OLFM2: variants seen among roughly 807,000 people sequenced by gnomAD.
OLFM2 encodes noelin-2.
OLFM2 carries 20 observed loss-of-function variants against 43.9 expected under a neutral mutation model. That is an observed-to-expected ratio of 0.46 (90% CI 0.32 to 0.66). The LOEUF (loss-of-function observed/expected upper bound fraction) is 0.66, where lower values mean the gene tolerates loss of function less well. Ranked by LOEUF, OLFM2 falls within the 30% of genes least tolerant of loss-of-function variation. The pLI is 0.04. For synonymous variants in OLFM2, 268 were observed against 278.6 expected (o/e 0.96, Z 0.38); for missense variants, 416 against 643.6 (o/e 0.65, Z 3.83).
chr19:9,906,438 CCT>C (rs943678566), intron 1 of OLFM2, among the ~76,000 whole-genome samples: 14 of 152,142 alleles, frequency 9.2e-5, no homozygotes, highest in African/African-American at 9.6e-5. Flanking sequence ...GTCTCTGGCC[CCT>C]GAGTATCGCA....
At chr19:9,907,658 A>G (rs180895206) in intron 1 of OLFM2, among the ~76,000 whole-genome samples, 1 of 152,224 alleles carries the variant, frequency 6.6e-6, no homozygotes, top group Admixed American at 6.5e-5. Context: ...TCCCAGAGGT[A>G]GAGACAGACA....
At chr19:9,911,498 C>G (rs1320271888) in intron 1 of OLFM2, among the ~76,000 whole-genome samples, 1 of 152,058 alleles carries the variant, frequency 6.6e-6, no homozygotes, top group African/African-American at 2.4e-5. Context: ...CACATACACA[C>G]TTACAGAAAA....
At chr19:9,863,950 C>T (rs2046382329) in intron 1 of OLFM2, among the ~76,000 whole-genome samples, 2 of 152,276 alleles carry the variant, frequency 1.3e-5, no homozygotes, top group African/African-American at 4.8e-5. Flanking sequence ...ATCCTCAGCC[C>T]TGGCAGCGGA....
rs569276278 is a variant in OLFM2 at position 9,918,455 on chromosome 19, A to G, written c.63+17849T>C. Among the ~76,000 whole-genome samples the G allele has an allele frequency of 5.5e-3, 838 of 152,130 alleles. 9 individuals carry two copies. The highest frequency in any genetic ancestry group is 0.014 in the African/African-American group (575 of 41,510). Reference sequence around the variant, plus strand: ...AATCCACCTGCCTCAGCCTCCCAAAATGCTGGGATTGTAGGCATAAGCCAC... The same window carrying G: ...AATCCACCTGCCTCAGCCTCCCAAAGTGCTGGGATTGTAGGCATAAGCCAC... On this transcript the variant is annotated intron_variant, in intron 1 of 5. Coordinates refer to ENST00000264833, the MANE Select transcript of OLFM2 (RefSeq NM_058164.4).
At position 9,854,588 on chromosome 19, in the gene OLFM2, G is replaced by A. The variant is rs200752028; in HGVS notation, c.963C>T (p.Ser321=). The A allele has an allele frequency of 2.0e-4, 324 of 1,614,044 alleles. No individual in the cohort carries two copies. The highest frequency in any genetic ancestry group is 2.1e-4 in the Non-Finnish European group (246 of 1,180,030). ...NTFPYSWGGF[S]DMDFMVDESG... ...TCTCGTCCACCATGAAGTCCATGTC[G>A]GAGAAGCCGCCCCAGGAGTAGGGGA... Residue 321 remains serine, a synonymous_variant, in exon 6 of 6, where the codon TCC becomes TCT. Transcript: ENST00000264833. This position sits in a 1 kb window ranked among gnomAD's most constrained non-coding sequence, Gnocchi z 9.5.
intron 1 of OLFM2, among the ~76,000 whole-genome samples, chr19:9,892,137 G>A (rs975221343): frequency 6.6e-6 from 1 of 152,074 alleles, no homozygotes; most frequent in African/African-American, 2.4e-5. Flanking sequence ...CAGGGTTTGG[G>A]GTGTCAATGT....
At chr19:9,915,241 T>C (rs201900330) in intron 1 of OLFM2, among the ~76,000 whole-genome samples, 234 of 38,564 alleles carry the variant, frequency 6.1e-3, no homozygotes, top group African/African-American at 7.6e-3. Flanking sequence ...TTCTCTCTCT[T>C]TTTTTTTTTT....
intron 1 of OLFM2, among the ~76,000 whole-genome samples, chr19:9,865,295 A>G (rs962393876): frequency 6.6e-6 from 1 of 151,276 alleles, no homozygotes; most frequent in Non-Finnish European, 1.5e-5. Flanking sequence ...CAGCCTCCCG[A>G]GTAGCTGAGA....
intron 1 of OLFM2, among the ~76,000 whole-genome samples, chr19:9,912,682 C>G (rs2144992484): frequency 6.6e-6 from 1 of 152,000 alleles, no homozygotes; most frequent in Admixed American, 6.5e-5. Flanking sequence ...AGTGGGGAAG[C>G]TGGAGGATAA....
intron 1 of OLFM2, among the ~76,000 whole-genome samples, chr19:9,888,126 A>G (rs2046604351): frequency 6.6e-6 from 1 of 151,932 alleles, no homozygotes; most frequent in Non-Finnish European, 1.5e-5. Flanking sequence ...CAAAACCCCA[A>G]ACATATTTCT....
chr19:9,904,020 C>A (rs904939670), intron 1 of OLFM2, among the ~76,000 whole-genome samples: 2 of 152,118 alleles, frequency 1.3e-5, no homozygotes, highest in Non-Finnish European at 2.9e-5. Context: ...AGGGCTGCAT[C>A]ACCAGACTTG....
At chr19:9,872,545 C>T (rs911076907) in intron 1 of OLFM2, among the ~76,000 whole-genome samples, 16 of 151,980 alleles carry the variant, frequency 1.1e-4, no homozygotes, top group East Asian at 1.9e-4. Context: ...TTAGTTCACC[C>T]GCGCCATGCT....
chr19:9,931,904 A>G (rs2086485159), intron 1 of OLFM2, among the ~76,000 whole-genome samples: 2 of 152,100 alleles, frequency 1.3e-5, no homozygotes, highest in Admixed American at 1.3e-4. Context: ...TCCATCCAGG[A>G]GCGAGTGTTC....
At chr19:9,901,712 T>C (rs560385811) in intron 1 of OLFM2, among the ~76,000 whole-genome samples, 2 of 152,312 alleles carry the variant, frequency 1.3e-5, no homozygotes, top group South Asian at 4.1e-4. Context: ...ATGTAGGCAT[T>C]GGAGTGCACA....
chr19:9,900,271 G>A (rs919747622), intron 1 of OLFM2, among the ~76,000 whole-genome samples: 2 of 152,254 alleles, frequency 1.3e-5, no homozygotes, highest in African/African-American at 4.8e-5. Flanking sequence ...CTGGGAAGGG[G>A]AGGAGAGGGA....
At chr19:9,865,565 C>T (rs1409135457) in intron 1 of OLFM2, among the ~76,000 whole-genome samples, 1 of 143,360 alleles carries the variant, frequency 7.0e-6, no homozygotes, top group Non-Finnish European at 1.5e-5. Flanking sequence ...GATCTCGGCT[C>T]ACTGCAGCCT....
rs200456633 is a variant in OLFM2, at chr19:9,857,896, C to T, written c.214-35G>A. 3.7e-6 allele frequency: 6 copies of T among 1,613,376 alleles called. No individual in the cohort carries two copies. Among genetic ancestry groups the T allele is most frequent in the Non-Finnish European group, 5.1e-6 (6 of 1,179,952 alleles). On this transcript the variant is annotated intron_variant, in intron 2 of 5. Transcript: ENST00000264833. This position sits in a 1 kb window ranked among gnomAD's most constrained non-coding sequence, Gnocchi z 5.7. ...GGGACAACTGAAGGGACCAGACCTC[C>T]TTCCCCAAATCCCAACCCAGAGATG...
chr19:9,913,510 C>T (rs1441946910), intron 1 of OLFM2: 10 of 1,162,736 alleles, frequency 8.6e-6, no homozygotes, highest in Non-Finnish European at 1.1e-5. Context: ...CCGCACGGGA[C>T]ACGGTGCCGT....
intron 1 of OLFM2, among the ~76,000 whole-genome samples, chr19:9,882,574 G>A (rs2046548571): frequency 6.6e-6 from 1 of 151,300 alleles, no homozygotes; most frequent in African/African-American, 2.4e-5. Flanking sequence ...TTTGGGGGGT[G>A]GAAACACACA....
Sources: gnomAD v4.1 joint callset for allele counts (sites outside exome capture counted in the v4.1 genomes callset) on GRCh38, gnomAD v4.1.1 for gene constraint, Gnocchi (gnomAD v3.1) non-coding constraint, MANE v1.5 for transcripts, NCBI Gene and HGNC (gene_info 2026-07-23, HGNC 2026-07-21) for gene names.